Variants in STK32B observed in about 807,000 individuals in gnomAD.
The protein encoded by STK32B is serine/threonine kinase 32B.
Under a neutral mutation model 52.6 loss-of-function variants are expected in STK32B, and 43 were observed. The ratio of observed to expected loss-of-function variants is 0.82; its 90% confidence interval spans 0.64 to 1.05. STK32B has a LOEUF of 1.05. Ranked by LOEUF, STK32B falls within the 50% of genes least tolerant of loss-of-function variation. STK32B has a pLI of 0.00. For synonymous variants in STK32B, 238 were observed against 204.3 expected (o/e 1.17, Z -1.41); for missense variants, 621 against 534.6 (o/e 1.16, Z -1.59).
intron 2 of STK32B, among the ~76,000 whole-genome samples, chr4:5,157,253 G>A (rs536877941): frequency 1.3e-5 from 2 of 149,502 alleles, no homozygotes; most frequent in African/African-American, 2.5e-5. Context: ...TAATGTTCAC[G>A]GATCACTGCT....
At chr4:5,224,308 T>A (rs1723729118) in intron 3 of STK32B, among the ~76,000 whole-genome samples, 1 of 152,250 alleles carries the variant, frequency 6.6e-6, no homozygotes, top group Admixed American at 6.5e-5. Flanking sequence ...TGAGGGCTCC[T>A]CATGGGACCT....
At chr4:5,076,880 A>G (rs150065480) in intron 1 of STK32B, among the ~76,000 whole-genome samples, 1 of 152,252 alleles carries the variant, frequency 6.6e-6, no homozygotes, top group South Asian at 2.1e-4. Context: ...TTATTCCATC[A>G]TTGTAAAATT....
intron 1 of STK32B, among the ~76,000 whole-genome samples, chr4:5,088,642 T>G (rs1308450744): frequency 6.6e-6 from 1 of 151,964 alleles, no homozygotes; most frequent in Non-Finnish European, 1.5e-5. Flanking sequence ...AAAGGATAAC[T>G]GTTTGAGAGA....
At position 5,446,580 on chromosome 4, in the gene STK32B, A is replaced by C. The variant is rs79866655; in HGVS notation, c.563-93A>C. 8 of 1,131,630 alleles carry C rather than the reference A, an allele frequency of 7.1e-6. No homozygotes were observed. The Admixed American group carries it at 7.2e-5, about 10-fold the overall frequency. The allele number at this position is 1,131,630 out of a possible 1,614,324, so 70.1% of individuals were successfully genotyped here. On this transcript the variant is annotated intron_variant, in intron 6 of 11. Coordinates refer to ENST00000282908, the MANE Select transcript of STK32B (RefSeq NM_018401.3). Reference sequence around the variant, plus strand: ...TCAAAAAAAAACAAAAAAAAAAAAAACAAGCTCAATTTCTCTCCTTGTCCC... The same window carrying C: ...TCAAAAAAAAACAAAAAAAAAAAAACCAAGCTCAATTTCTCTCCTTGTCCC...
chr4:5,459,041 G>A (rs1169238027), intron 8 of STK32B, among the ~76,000 whole-genome samples: 2 of 152,192 alleles, frequency 1.3e-5, no homozygotes, highest in African/African-American at 4.8e-5. Flanking sequence ...CAGAACAGCT[G>A]CCCTGAACAG....
intron 6 of STK32B, chr4:5,437,981 A>G: frequency 1.0e-6 from 1 of 985,514 alleles, no homozygotes; most frequent in Non-Finnish European, 1.2e-6. Flanking sequence ...GACTGCAGAC[A>G]TTTGTCGCTT....
chr4:5,455,945 CTG>C (rs539018502), intron 7 of STK32B, among the ~76,000 whole-genome samples: 241 of 152,270 alleles, frequency 1.6e-3, no homozygotes, highest in Admixed American at 2.6e-3. Context: ...GCCAGGGAAA[CTG>C]TTGTTTTTGT....
intron 3 of STK32B, among the ~76,000 whole-genome samples, chr4:5,185,316 G>A (rs1006264945): frequency 6.6e-6 from 1 of 152,160 alleles, no homozygotes; most frequent in East Asian, 1.9e-4. Flanking sequence ...ACAGATGTCA[G>A]AAGTTAGTTT....
intron 6 of STK32B, among the ~76,000 whole-genome samples, chr4:5,427,192 G>A (rs1713179354): frequency 6.6e-6 from 1 of 152,118 alleles, no homozygotes; most frequent in African/African-American, 2.4e-5. Flanking sequence ...TTGAAATACT[G>A]CTGACTGACT....
upstream of STK32B, among the ~76,000 whole-genome samples, chr4:5,050,140 T>C (rs1741706748): frequency 1.3e-5 from 2 of 152,314 alleles, no homozygotes; most frequent in African/African-American, 2.4e-5. Flanking sequence ...TGCTGCACAC[T>C]GGCTACTCAG....
intron 2 of STK32B, among the ~76,000 whole-genome samples, chr4:5,141,603 C>G (rs11726177): frequency 0.081 from 12,283 of 152,114 alleles, 580 homozygotes; most frequent in South Asian, 0.14. Flanking sequence ...TGGAGAATAG[C>G]CTGGGAGGGG....
At chr4:5,167,937 C>T (rs55862437) in intron 2 of STK32B, among the ~76,000 whole-genome samples, 1,542 of 152,274 alleles carry the variant, frequency 0.01, 27 homozygotes, top group African/African-American at 0.035. Context: ...CACTCGTGCA[C>T]GCCACACATC....
chr4:5,210,376 C>T (rs898978476), intron 3 of STK32B, among the ~76,000 whole-genome samples: 3 of 152,172 alleles, frequency 2.0e-5, no homozygotes, highest in Non-Finnish European at 4.4e-5. Context: ...CTGGTGTTCC[C>T]AGTCTTCTTG....
At chr4:5,372,603 C>G (rs1389784589) in intron 4 of STK32B, among the ~76,000 whole-genome samples, 1 of 152,006 alleles carries the variant, frequency 6.6e-6, no homozygotes, top group Non-Finnish European at 1.5e-5. Context: ...GATGACAACT[C>G]TGTTCCCATC....
intron 11 of STK32B, among the ~76,000 whole-genome samples, chr4:5,486,203 G>A (rs903769302): frequency 1.3e-5 from 2 of 152,208 alleles, no homozygotes; most frequent in Non-Finnish European, 2.9e-5. Context: ...CTCAGAGGCA[G>A]GCTGGCCTCC....
intron 2 of STK32B, among the ~76,000 whole-genome samples, chr4:5,162,608 A>T (rs1196125236): frequency 1.3e-5 from 2 of 152,214 alleles, no homozygotes; most frequent in Admixed American, 6.5e-5. Flanking sequence ...ATTAATAATG[A>T]TGACATCAGG....
chr4:5,145,878 G>T (rs567581323), intron 2 of STK32B, among the ~76,000 whole-genome samples: 1 of 152,006 alleles, frequency 6.6e-6, no homozygotes, highest in Non-Finnish European at 1.5e-5. Context: ...TGCTTTTAGG[G>T]CCATTGTTTT....
upstream of STK32B, among the ~76,000 whole-genome samples, chr4:5,047,872 A>G (rs2108748136): frequency 6.6e-6 from 1 of 152,318 alleles, no homozygotes; most frequent in Non-Finnish European, 1.5e-5. Context: ...AAATGGTTAA[A>G]GATCTTGAGA....
chr4:5,367,131 A>G (rs1227339475), intron 4 of STK32B, among the ~76,000 whole-genome samples: 2 of 152,184 alleles, frequency 1.3e-5, no homozygotes, highest in East Asian at 3.8e-4. Flanking sequence ...GAAAGAATTC[A>G]CATTTCCCCC....
Sources: gnomAD v4.1 joint callset for allele counts (sites outside exome capture counted in the v4.1 genomes callset) on GRCh38, gnomAD v4.1.1 for gene constraint, MANE v1.5 for transcripts, NCBI Gene and HGNC (gene_info 2026-07-23, HGNC 2026-07-21) for gene names.